CWF19L1: variants seen among roughly 807,000 people sequenced by gnomAD.
CWF19L1 encodes CWF19 like cell cycle control factor 1.
In CWF19L1, 60 loss-of-function variants were observed where a neutral mutation model predicts 69.7. That is an observed-to-expected ratio of 0.86 (90% CI 0.70 to 1.07). The LOEUF is 1.07. Among genes scored for constraint, CWF19L1 ranks in the 50% least tolerant of loss-of-function variants. The probability of loss-of-function intolerance (pLI) is 0.00; values close to 1 mark genes in which losing one functional copy is unlikely to be tolerated. For missense variants in CWF19L1, 591 were observed against 638.9 expected (o/e 0.92, Z 0.81); for synonymous variants, 209 against 222.2 (o/e 0.94, Z 0.53).
Position 100,238,128 on chromosome 10 carries a change from T to TCTACCACCTCTG in CWF19L1, c.1136_1147dup (p.Ala379_Val382dup). The TCTACCACCTCTG allele has an allele frequency of 6.2e-7, 1 of 1,614,170 alleles. No homozygotes were observed. The highest frequency in any genetic ancestry group is 1.1e-5 in the South Asian group (1 of 91,080). On this transcript the variant is annotated inframe_insertion, in exon 11 of 14. Transcript: ENST00000354105. The stretch of plus-strand genomic sequence containing the variant: ...AGTGGCCTTATACTTCTCCACCTCT[T>TCTACCACCTCTG]CTACCACCTCTGCTGAAAGCTCCAC...
chr10:100,239,366 T>G (rs1181241549), intron 10 of CWF19L1, among the ~76,000 whole-genome samples: 2 of 152,032 alleles, frequency 1.3e-5, no homozygotes, highest in African/African-American at 2.4e-5. Flanking sequence ...CCAGACCGGG[T>G]GCGTTGGCTC....
At chr10:100,243,897 A>T in intron 9 of CWF19L1, 120 bp from the exon 10 acceptor site, 1 of 762,370 alleles carries the variant, frequency 1.3e-6, no homozygotes, top group Non-Finnish European at 2.3e-6. Context: ...CAACACTGCC[A>T]CAATGGGCTG....
intron 4 of CWF19L1, chr10:100,258,513 T>G (rs1847286658): frequency 6.6e-6 from 1 of 152,222 alleles, no homozygotes; most frequent in African/African-American, 2.4e-5. Context: ...AGGCTCATGT[T>G]AAAATCTACA....
Position 100,233,123 on chromosome 10 carries a change from G to A in CWF19L1, c.*104C>T, listed in dbSNP as rs1322490522. On this transcript the variant is annotated 3_prime_UTR_variant, in exon 14 of 14. Coordinates refer to ENST00000354105, the MANE Select transcript of CWF19L1 (RefSeq NM_018294.6). ...CAGTTATGCCACTGCAATCCTGCTT[G>A]GGTGACAGAGCGAGACTTTGTCTCA... 8.3e-7 allele frequency: 1 copy of A among 1,199,536 alleles called. No homozygotes were observed. The highest frequency in any genetic ancestry group is 1.1e-6 in the Non-Finnish European group (1 of 879,584). 74.3% of individuals were successfully genotyped at this position (1,199,536 alleles called of 1,614,324 possible).
intron 1 of CWF19L1, among the ~76,000 whole-genome samples, chr10:100,265,052 T>C (rs922513203): frequency 2.6e-5 from 4 of 151,438 alleles, no homozygotes; most frequent in African/African-American, 9.7e-5. Flanking sequence ...GCCCAGGAGG[T>C]TGAGGTTGCA....
At chr10:100,243,142 G>T (rs1021335294) in intron 10 of CWF19L1, among the ~76,000 whole-genome samples, 37 of 152,206 alleles carry the variant, frequency 2.4e-4, no homozygotes, top group Middle Eastern at 3.4e-3. Context: ...ACCATTCCTA[G>T]GTCTATATCC....
intron 13 of CWF19L1, among the ~76,000 whole-genome samples, chr10:100,235,409 A>T (rs1846400941): frequency 1.3e-5 from 2 of 152,194 alleles, no homozygotes; most frequent in South Asian, 2.1e-4. Context: ...TGCCACTTTC[A>T]TGAAGGCTTT....
At chr10:100,250,660 C>T (rs1846995828) in intron 6 of CWF19L1, among the ~76,000 whole-genome samples, 1 of 152,108 alleles carries the variant, frequency 6.6e-6, no homozygotes, top group Non-Finnish European at 1.5e-5. Flanking sequence ...TTACTATTGC[C>T]TCTTCTTTTG....
rs1360270642 is a variant in CWF19L1, at chr10:100,233,329, CT to C, written c.1514del (p.Lys505SerfsTer48). On this transcript the variant is annotated frameshift_variant, in exon 14 of 14. Coordinates refer to ENST00000354105, the MANE Select transcript of CWF19L1 (RefSeq NM_018294.6). LOFTEE classifies it high-confidence loss of function. ...TGATCTGACACTGCCTCCAGTCAGACTTATCAGGAACATTAAGGATGGCTTC... is the reference window on the plus strand; with the variant it reads ...TGATCTGACACTGCCTCCAGTCAGACTATCAGGAACATTAAGGATGGCTTC... ...ASEAILNVPD[K>X]SDWRQCQISK... The C allele has an allele frequency of 6.2e-7, 1 of 1,613,858 alleles. No homozygotes were observed. The highest frequency in any genetic ancestry group is 8.5e-7 in the Non-Finnish European group (1 of 1,179,972).
At chr10:100,255,023 T>C (rs934707286) in intron 5 of CWF19L1, among the ~76,000 whole-genome samples, 3 of 152,226 alleles carry the variant, frequency 2.0e-5, no homozygotes, top group Admixed American at 6.5e-5. Context: ...GGATCATCAC[T>C]GATAATCCTG....
At position 100,262,549 on chromosome 10, in the gene CWF19L1, A is replaced by G. The variant is rs574252653; in HGVS notation, c.24-486T>C. On this transcript the variant is annotated intron_variant, in intron 1 of 13. Transcript: ENST00000354105. ...ACGCTAAGTACAATATGCCAAGTAT[A>G]CTATGCTAAAAACATGTTAGCAGTA... 227 of 806,430 alleles carry G rather than the reference A, an allele frequency of 2.8e-4. No homozygotes were observed. In the African/African-American group the frequency reaches 4.0e-3, roughly 14 times the overall value. The allele number at this position is 806,430 out of a possible 1,614,324, so 50.0% of individuals were successfully genotyped here.
At chr10:100,255,884 C>A (rs576309726) in intron 5 of CWF19L1, among the ~76,000 whole-genome samples, 9 of 151,416 alleles carry the variant, frequency 5.9e-5, no homozygotes, top group Non-Finnish European at 1.0e-4. Flanking sequence ...GAGCCAAGAT[C>A]GCACCACTGC....
chr10:100,250,750 AC>A (rs1381852041), intron 6 of CWF19L1, among the ~76,000 whole-genome samples: 1 of 150,980 alleles, frequency 6.6e-6, no homozygotes, highest in African/African-American at 2.5e-5. Context: ...GTTTGAGAAC[AC>A]CCTGGGCAAC....
chr10:100,264,224 A>C (rs1020861696), intron 1 of CWF19L1, among the ~76,000 whole-genome samples: 1 of 152,236 alleles, frequency 6.6e-6, no homozygotes, highest in African/African-American at 2.4e-5. Context: ...GATAATAAAC[A>C]ACTATGTTAC....
chr10:100,238,039 G>C lies in CWF19L1; in HGVS notation c.1237C>G (p.His413Asp). Reference protein sequence around the residue: ...CVVFERNYKSHHLQLQVIPVP... With the variant: ...CVVFERNYKSDHLQLQVIPVP... ...CCACCTACCTGTAGCTGGAGGTGATGGCTCTTATAATTTCTCTCAAATACA... is the reference window on the plus strand; with the variant it reads ...CCACCTACCTGTAGCTGGAGGTGATCGCTCTTATAATTTCTCTCAAATACA... The change falls in exon 11 of 14, where the codon CAT becomes GAT. Residue 413 changes from histidine (H) to aspartate (D), a missense_variant. Physicochemically the swap from His to Asp is moderately conservative, Grantham distance 81. Transcript: ENST00000354105. 1 of 1,614,136 alleles carries C rather than the reference G, an allele frequency of 6.2e-7. No homozygotes were observed. The highest frequency in any genetic ancestry group is 1.3e-5 in the African/African-American group (1 of 75,046).
intron 10 of CWF19L1, among the ~76,000 whole-genome samples, chr10:100,242,033 A>C (rs1846654630): frequency 6.6e-6 from 1 of 152,218 alleles, no homozygotes; most frequent in South Asian, 2.1e-4. Flanking sequence ...CAGGGAAATC[A>C]GAGTCAAACA....
intron 7 of CWF19L1, chr10:100,249,096 C>T (rs1476564243): frequency 1.0e-5 from 5 of 496,240 alleles, no homozygotes; most frequent in Non-Finnish European, 1.9e-5. Flanking sequence ...CCTGCACCTC[C>T]GCAGGCCAAC....
At chr10:100,257,579 T>G (rs890604214) in intron 4 of CWF19L1, among the ~76,000 whole-genome samples, 4 of 152,014 alleles carry the variant, frequency 2.6e-5, no homozygotes, top group African/African-American at 9.7e-5. Flanking sequence ...ATTACAGGTG[T>G]GAGCCACCAC....
chr10:100,242,380 TA>T (rs1417392073), intron 10 of CWF19L1, among the ~76,000 whole-genome samples: 1 of 152,118 alleles, frequency 6.6e-6, no homozygotes, highest in Non-Finnish European at 1.5e-5. Context: ...TAATTCCAGA[TA>T]AAAATTCATA....
Sources: gnomAD v4.1 joint callset for allele counts (sites outside exome capture counted in the v4.1 genomes callset) on GRCh38, gnomAD v4.1.1 for gene constraint, MANE v1.5 for transcripts, NCBI Gene and HGNC (gene_info 2026-07-23, HGNC 2026-07-21) for gene names.